Variants in CNTNAP4 observed in about 807,000 individuals in gnomAD.
The protein encoded by CNTNAP4 is contactin associated protein family member 4, also known as contactin-associated protein-like 4.
Under a neutral mutation model 148.4 loss-of-function variants are expected in CNTNAP4, and 98 were observed. That is an observed-to-expected ratio of 0.66 (90% CI 0.56 to 0.78). The LOEUF (loss-of-function observed/expected upper bound fraction) is 0.78. Ranked by LOEUF, CNTNAP4 falls within the 30% of genes least tolerant of loss-of-function variation. CNTNAP4 has a pLI of 0.00. For missense variants in CNTNAP4, 1,935 were observed against 1,565.6 expected, an observed-to-expected ratio of 1.24 and a Z score of -3.98; for synonymous variants, 730 against 565.1, an observed-to-expected ratio of 1.29 and a Z score of -4.14.
chr16:76,522,687 C>CTTTTCTTTTCTTTTCT (rs201677733), intron 17 of CNTNAP4, among the ~76,000 whole-genome samples: 5 of 30,122 alleles, frequency 1.7e-4, no homozygotes, highest in African/African-American at 5.3e-4. Flanking sequence ...TCTTTCTCTC[C>CTTTTCTTTTCTTTTCT]TTTCTTTTCT....
chr16:76,432,952 C>A (rs1470422915), intron 4 of CNTNAP4, among the ~76,000 whole-genome samples: 1 of 152,082 alleles, frequency 6.6e-6, no homozygotes, highest in Non-Finnish European at 1.5e-5. Flanking sequence ...CACGTACCCA[C>A]CAGCCTTCAT....
chr16:76,524,284 A>G (rs900959461), intron 17 of CNTNAP4, among the ~76,000 whole-genome samples: 6 of 152,222 alleles, frequency 3.9e-5, no homozygotes, highest in South Asian at 2.1e-4. Context: ...GAAGAAATAT[A>G]TAACTTTTAA....
In CNTNAP4 at chr16:76,538,167, A is replaced by C. The variant is rs771065877; in HGVS notation, c.3047A>C (p.Glu1016Ala). Residue 1016 changes from glutamate to alanine, a missense_variant, in exon 19 of 24, where the codon GAA becomes GCA. Glu to Ala is a moderately radical substitution (Grantham distance 107). Coordinates refer to ENST00000611870, the MANE Select transcript of CNTNAP4 (RefSeq NM_033401.5). ...TCATCCGTGATATACAATTTTCAAG[A>C]AAATTATCTTTTAAGTAAAAACTCC... is the stretch of plus-strand genomic sequence containing the variant. ...SGSSVIYNFQENYLLSKNSSS... is the reference protein window; with the variant it reads ...SGSSVIYNFQANYLLSKNSSS... The C allele has an allele frequency of 8.1e-6, 13 of 1,596,906 alleles. No homozygotes were observed. Among genetic ancestry groups the C allele is most frequent in the Admixed American group, 3.6e-5 (2 of 55,910 alleles).
At chr16:76,417,321 T>A (rs1254528516) in intron 3 of CNTNAP4, among the ~76,000 whole-genome samples, 2 of 151,428 alleles carry the variant, frequency 1.3e-5, no homozygotes, top group Non-Finnish European at 3.0e-5. Context: ...TAATTGAAAA[T>A]TTTTTTATGA....
chr16:76,293,836 A>T (rs74024980), intron 1 of CNTNAP4, among the ~76,000 whole-genome samples: 10,447 of 98,798 alleles, frequency 0.11, 984 homozygotes, highest in African/African-American at 0.26. Context: ...TTTTTTTTTT[A>T]AAAAAAAGGA....
chr16:76,371,378 C>T (rs192557381), intron 3 of CNTNAP4, among the ~76,000 whole-genome samples: 2 of 152,252 alleles, frequency 1.3e-5, no homozygotes, highest in Non-Finnish European at 2.9e-5. Flanking sequence ...CTCCACCTCC[C>T]GGATTCAAGC....
intron 17 of CNTNAP4, among the ~76,000 whole-genome samples, chr16:76,528,285 A>ATC (rs1038190454): frequency 2.0e-5 from 3 of 151,994 alleles, no homozygotes; most frequent in Admixed American, 6.6e-5. Flanking sequence ...TTTGAGATGG[A>ATC]TCTCTCTCTC....
chr16:76,524,179 C>G (rs191837352), intron 17 of CNTNAP4, among the ~76,000 whole-genome samples: 34 of 152,206 alleles, frequency 2.2e-4, no homozygotes, highest in African/African-American at 7.7e-4. Flanking sequence ...TGAATAGCTT[C>G]TATGAGTAAG....
In CNTNAP4 at chr16:76,293,819, CT is replaced by C. The variant is rs1209734206; in HGVS notation, c.85+16088del. On this transcript the variant is annotated intron_variant, in intron 1 of 23. Coordinates refer to ENST00000611870, the MANE Select transcript of CNTNAP4 (RefSeq NM_033401.5). ...AATCATGGCATCTAAGAACAAGCTG[CT>C]TTTTTTTTTTTTTTTAAAAAAAAGG... is the stretch of plus-strand genomic sequence containing the variant. Among the ~76,000 whole-genome samples, 1,272 of 137,286 alleles carry C rather than the reference CT, an allele frequency of 9.3e-3. 7 individuals are homozygous for C. Among genetic ancestry groups the C allele is most frequent in the African/African-American group, 0.022 (809 of 36,718 alleles). 90.1% of individuals were successfully genotyped at this position (137,286 alleles called of 152,430 possible). A position where few individuals can be genotyped will look rare whatever the true frequency, so the allele number is the denominator to read the frequency against.
In CNTNAP4 at chr16:76,370,889, A is replaced by T. The variant is rs143806892; in HGVS notation, c.390+15378A>T. The stretch of plus-strand genomic sequence containing the variant: ...TTAAGATAAGTTTCCCCCTAAATTT[A>T]TGTTAACTAGTGCCACATGTATAAA... On this transcript the variant is annotated intron_variant, in intron 3 of 23. Transcript: ENST00000611870. 3.2e-3 allele frequency among the ~76,000 whole-genome samples: 492 copies of T among 152,270 alleles called. 3 individuals are homozygous for T. Among genetic ancestry groups the T allele is most frequent in the Middle Eastern group, 0.01 (3 of 294 alleles).
At chr16:76,342,642 T>C (rs1356954156) in intron 2 of CNTNAP4, among the ~76,000 whole-genome samples, 1 of 151,948 alleles carries the variant, frequency 6.6e-6, no homozygotes, top group Non-Finnish European at 1.5e-5. Flanking sequence ...TTGGCTAATT[T>C]GTTGTATTTT....
At chr16:76,447,364 A>T (rs1402648295) in intron 4 of CNTNAP4, among the ~76,000 whole-genome samples, 1 of 149,690 alleles carries the variant, frequency 6.7e-6, no homozygotes, top group East Asian at 1.9e-4. Flanking sequence ...AATTATATAT[A>T]TATATGAGAA....
chr16:76,459,757 G>C (rs143759094), intron 8 of CNTNAP4, among the ~76,000 whole-genome samples: 1 of 152,168 alleles, frequency 6.6e-6, no homozygotes, highest in Non-Finnish European at 1.5e-5. Context: ...ATCACACAGA[G>C]TTGACTATTC....
At position 76,559,972 on chromosome 16, in the gene CNTNAP4, A is replaced by G. The variant is rs572165679; in HGVS notation, c.*1289A>G. On this transcript the variant is annotated 3_prime_UTR_variant, in exon 24 of 24. Coordinates refer to ENST00000611870, the MANE Select transcript of CNTNAP4 (RefSeq NM_033401.5). ...CTGAAACGATGGGGTGAATTTCTCA[A>G]AAATTACCAAGAATCAATCCAACTT... is the stretch of plus-strand genomic sequence containing the variant. Among the ~76,000 whole-genome samples, 2 of 152,322 alleles carry G rather than the reference A, an allele frequency of 1.3e-5. No homozygotes were observed. Among genetic ancestry groups the G allele is most frequent in the Admixed American group, 6.5e-5 (1 of 15,296 alleles).
intron 3 of CNTNAP4, among the ~76,000 whole-genome samples, chr16:76,415,487 A>G (rs2078940773): frequency 6.6e-6 from 1 of 151,166 alleles, no homozygotes; most frequent in African/African-American, 2.4e-5. Context: ...ATTAGAATTC[A>G]AAGTCTAATA....
chr16:76,328,527 C>T (rs1199256934), intron 2 of CNTNAP4, among the ~76,000 whole-genome samples: 28 of 152,024 alleles, frequency 1.8e-4, no homozygotes, highest in Admixed American at 1.6e-3. Context: ...GATCGTGGAA[C>T]GCAGAAAGGA....
chr16:76,370,077 T>G (rs140279982), intron 3 of CNTNAP4, among the ~76,000 whole-genome samples: 14 of 152,146 alleles, frequency 9.2e-5, no homozygotes, highest in African/African-American at 3.4e-4. Context: ...TGTGGAAATA[T>G]CAAATGAACC....
Position 76,467,453 on chromosome 16 carries a change from A to G in CNTNAP4, c.1585A>G (p.Ile529Val). 6 of 1,613,792 alleles carry G rather than the reference A, an allele frequency of 3.7e-6. No homozygotes were observed. The highest frequency in any genetic ancestry group is 5.1e-6 in the Non-Finnish European group (6 of 1,179,848). ...TATCAGCGGCAAAGTGGTAGATCTG[A>G]TTTCAGTTCAGCAGGGGTCCCTTGG... Reference protein sequence around the residue: ...ISISGKVVDLISVQQGSLGNF... With the variant: ...ISISGKVVDLVSVQQGSLGNF... Residue 529 changes from isoleucine (I) to valine (V), a missense_variant, in exon 10 of 24, where the codon ATT becomes GTT. Ile to Val is a conservative substitution (Grantham distance 29). Transcript: ENST00000611870.
chr16:76,344,849 C>CT (rs372566444), intron 2 of CNTNAP4, among the ~76,000 whole-genome samples: 4 of 152,158 alleles, frequency 2.6e-5, no homozygotes, highest in Admixed American at 2.0e-4. Flanking sequence ...ACCTTCTACT[C>CT]TTTTCCAAAA....
Sources: gnomAD v4.1 joint callset for allele counts (sites outside exome capture counted in the v4.1 genomes callset) on GRCh38, gnomAD v4.1.1 for gene constraint, MANE v1.5 for transcripts, NCBI Gene and HGNC (gene_info 2026-07-23, HGNC 2026-07-21) for gene names.